Variants in NCOR2 observed in about 807,000 individuals in gnomAD.
NCOR2 encodes the protein nuclear receptor corepressor 2, also known as CTG repeat protein 26.
A neutral mutation model predicts 262.9 loss-of-function variants in NCOR2; 81 were observed. The ratio of observed to expected loss-of-function variants is 0.31; its 90% CI spans 0.26 to 0.37. NCOR2 has a LOEUF of 0.37. NCOR2 is among the 10% of genes least tolerant of loss of function. The pLI is 1.00. For synonymous variants in NCOR2, 1,659 were observed against 1,559.3 expected, an observed-to-expected ratio of 1.06 and a Z score of -1.51; for missense variants, 3,385 against 3,621.4, an observed-to-expected ratio of 0.93 and a Z score of 1.68.
At chr12:124,550,823 C>G (rs536045588) in intron 1 of NCOR2, among the ~76,000 whole-genome samples, 74 of 152,336 alleles carry the variant, frequency 4.9e-4, no homozygotes, top group Non-Finnish European at 8.5e-4. Context: ...CCTGGCATCA[C>G]CAGGAGAAGC....
At position 124,347,646 on chromosome 12, in the gene NCOR2, ATAAG is replaced by A. The variant is rs2037049235; in HGVS notation, c.4072+175_4072+178del. On this transcript the variant is annotated intron_variant, in intron 30 of 46. Transcript: ENST00000405201. ...TTTTGCTTTTTGTTTTTGTTTTGAA[ATAAG>A]TAAGAGACACCCTTGCTCCGTAGCT... 9.0e-5 allele frequency: 56 copies of A among 625,482 alleles called. No individual in the cohort carries two copies. In the South Asian group the frequency reaches 1.1e-3, roughly 13 times the overall value. 38.7% of individuals were successfully genotyped at this position (625,482 alleles called of 1,614,324 possible).
chr12:124,367,613 CTTCT>C (rs2039143255), intron 20 of NCOR2, among the ~76,000 whole-genome samples: 2 of 152,248 alleles, frequency 1.3e-5, no homozygotes, highest in South Asian at 2.1e-4. Flanking sequence ...TCCACTCTCC[CTTCT>C]TTGTTTTATT....
rs1566004768 is a variant in NCOR2 at position 124,503,528 on chromosome 12, GATGAATGGATGGATGGATGGACGA to G, written c.-117-8184_-117-8161del. Among the ~76,000 whole-genome samples the G allele has an allele frequency of 6.6e-6, 1 of 151,762 alleles. No individual in the cohort carries two copies. Among genetic ancestry groups the G allele is most frequent in the Non-Finnish European group, 1.5e-5 (1 of 67,892 alleles). On this transcript the variant is annotated intron_variant, in intron 1 of 46. Transcript: ENST00000404621. This position sits in a 1 kb window ranked among gnomAD's most constrained non-coding sequence, Gnocchi z 4.3. ...TGGATGGATGGACAGAGGATGGACA[GATGAATGGATGGATGGATGGACGA>G]ATGGATGGATGGATAGATGGAAGAC... is the stretch of plus-strand genomic sequence containing the variant.
chr12:124,515,632 C>T (rs753011532), intron 1 of NCOR2, among the ~76,000 whole-genome samples: 11 of 138,974 alleles, frequency 7.9e-5, no homozygotes, highest in South Asian at 2.6e-4. Flanking sequence ...TGTGTGTGCA[C>T]GACTGTGAGT....
intron 12 of NCOR2, 58 bp downstream of exon 14, chr12:124,422,443 C>T: frequency 6.2e-7 from 1 of 1,604,888 alleles, no homozygotes; most frequent in East Asian, 2.2e-5. Flanking sequence ...CACCCTGAGT[C>T]CACGCAGTTG....
chr12:124,519,378 A>T (rs1429762371), intron 1 of NCOR2, among the ~76,000 whole-genome samples: 1 of 152,200 alleles, frequency 6.6e-6, no homozygotes, highest in Non-Finnish European at 1.5e-5. Flanking sequence ...TGCCCCTAGC[A>T]GCCAAGAGTT....
intron 33 of NCOR2, among the ~76,000 whole-genome samples, chr12:124,342,346 C>T (rs1226980826): frequency 6.6e-6 from 1 of 152,232 alleles, no homozygotes; most frequent in African/African-American, 2.4e-5. Flanking sequence ...CAAAGGGATG[C>T]AACTTTTTTT....
chr12:124,416,549 G>C (rs2042868936), intron 13 of NCOR2, among the ~76,000 whole-genome samples: 1 of 146,794 alleles, frequency 6.8e-6, no homozygotes, highest in South Asian at 2.2e-4. Context: ...GCGGCACAGG[G>C]AGACCCGCGG....
rs113156291 is a variant in NCOR2, at chr12:124,481,540, G to C, written c.411+2056C>G. 7.6e-3 allele frequency among the ~76,000 whole-genome samples: 1,163 copies of C among 152,304 alleles called. 21 individuals carry two copies. The highest frequency in any genetic ancestry group is 0.026 in the African/African-American group (1,072 of 41,562). ...GAGCGAGGAAAGAGGAATGTGCCTG[G>C]GGGAGGGCGCTCCTGCGGAGGGCAC... On this transcript the variant is annotated intron_variant, in intron 3 of 46. Coordinates refer to ENST00000405201, the Ensembl canonical transcript of NCOR2. This position sits in a 1 kb window ranked among gnomAD's most constrained non-coding sequence, Gnocchi z 4.6.
At chr12:124,407,860 A>G (rs2042360117) in intron 13 of NCOR2, among the ~76,000 whole-genome samples, 2 of 152,070 alleles carry the variant, frequency 1.3e-5, no homozygotes, top group Non-Finnish European at 2.9e-5. Context: ...CAGTGTAGGG[A>G]TGGGGATTCC....
intron 38 of NCOR2, 102 bp downstream of exon 40, chr12:124,336,651 A>G (rs2035934689): frequency 4.0e-6 from 6 of 1,516,106 alleles, no homozygotes; most frequent in Non-Finnish European, 5.3e-6. Context: ...TCGCGAGGGG[A>G]GCCGTTGGCC....
At chr12:124,479,075 G>A (rs1191733007) in intron 3 of NCOR2, among the ~76,000 whole-genome samples, 1 of 151,248 alleles carries the variant, frequency 6.6e-6, no homozygotes, top group Non-Finnish European at 1.5e-5. Flanking sequence ...CAGAGCGCAC[G>A]GACGTGCTGG....
chr12:124,420,804 T>C (rs1359149095), intron 12 of NCOR2, among the ~76,000 whole-genome samples: 1 of 152,212 alleles, frequency 6.6e-6, no homozygotes, highest in African/African-American at 2.4e-5. Context: ...TGCAATGCTC[T>C]GGCCAGTGCC....
chr12:124,363,597 C>A (rs778960365), intron 21 of NCOR2, 82 bp downstream of exon 23: 1 of 1,236,514 alleles, frequency 8.1e-7, no homozygotes, highest in African/African-American at 1.5e-5. Context: ...TGCATGCTCC[C>A]GCCCGTGGGA....
Position 124,399,940 on chromosome 12 carries a change from G to A in NCOR2, c.1813+561C>T, listed in dbSNP as rs575250887. Among the ~76,000 whole-genome samples, 19 of 152,244 alleles carry A rather than the reference G, an allele frequency of 1.2e-4. 2 individuals are homozygous for A. Among genetic ancestry groups the A allele is most frequent in the African/African-American group, 3.6e-4 (15 of 41,536 alleles). ...AACAGAAGGGGAAACTGAGGCCCAC[G>A]GAAGTGAAGGTACAAAACCAGATGC... On this transcript the variant is annotated intron_variant, in intron 15 of 46. Coordinates refer to ENST00000405201, the Ensembl canonical transcript of NCOR2.
At chr12:124,536,069 T>G (rs1319708409), upstream of NCOR2, among the ~76,000 whole-genome samples, 2 of 151,986 alleles carry the variant, frequency 1.3e-5, no homozygotes, top group Non-Finnish European at 2.9e-5. Context: ...TTATTTTTGT[T>G]TGTTTGGTAT....
chr12:124,507,161 A>T (rs969914914), intron 1 of NCOR2, among the ~76,000 whole-genome samples: 32 of 152,138 alleles, frequency 2.1e-4, no homozygotes, highest in African/African-American at 7.0e-4. Flanking sequence ...ATTCATAGAG[A>T]CAAAAAGGAA....
intron 1 of NCOR2, among the ~76,000 whole-genome samples, chr12:124,522,014 C>A (rs558234133): frequency 5.4e-4 from 82 of 152,252 alleles, no homozygotes; most frequent in Non-Finnish European, 9.8e-4. Flanking sequence ...AAGGCCGCAT[C>A]TCAAATAAAC....
Position 124,495,064 on chromosome 12 carries a change from G to T in NCOR2, c.105+83C>A. ...AGAGCCACATGAGCCTGGCTCCCAG[G>T]AGAAAGGAAGGGGTGAAGACTCAGT... is the stretch of plus-strand genomic sequence containing the variant. On this transcript the variant is annotated intron_variant, in intron 1 of 46. Coordinates refer to ENST00000405201, the Ensembl canonical transcript of NCOR2. This position sits in a 1 kb window ranked among gnomAD's most constrained non-coding sequence, Gnocchi z 4.4. 1 of 1,522,942 alleles carries T rather than the reference G, an allele frequency of 6.6e-7. No homozygotes were observed. Among genetic ancestry groups the T allele is most frequent in the Non-Finnish European group, 8.9e-7 (1 of 1,126,418 alleles). The allele number at this position is 1,522,942 out of a possible 1,614,324, so 94.3% of individuals were successfully genotyped here.
Sources: gnomAD v4.1 joint callset for allele counts (sites outside exome capture counted in the v4.1 genomes callset) on GRCh38, gnomAD v4.1.1 for gene constraint, Gnocchi (gnomAD v3.1) non-coding constraint, MANE v1.5 for transcripts, NCBI Gene and HGNC (gene_info 2026-07-23, HGNC 2026-07-21) for gene names.